The following PCDH10 variants were observed in gnomAD, a reference collection of about 807,000 sequenced individuals.
PCDH10 encodes the protein protocadherin 10.
Under a neutral mutation model 74.4 loss-of-function variants are expected in PCDH10, and 15 were observed. The ratio of observed to expected loss-of-function variants is 0.20; its 90% CI spans 0.13 to 0.31. PCDH10 has a LOEUF of 0.31. Among genes scored for constraint, PCDH10 ranks in the 10% least tolerant of loss-of-function variants. The pLI, the probability that PCDH10 is intolerant of heterozygous loss-of-function variation, is 1.00. For synonymous variants in PCDH10, 619 were observed against 589.8 expected (o/e 1.05, Z -0.72); for missense variants, 1,260 against 1,390.2 (o/e 0.91, Z 1.49).
At chr4:133,196,142 G>T (rs1002205351), downstream of PCDH10, among the ~76,000 whole-genome samples, 11 of 152,172 alleles carry the variant, frequency 7.2e-5, no homozygotes, top group African/African-American at 2.4e-4. Context: ...CTTGCCCACT[G>T]CTTAGACACA....
At position 133,193,240 on chromosome 4, in the gene PCDH10, T is replaced by C. The variant is rs1479563950; in HGVS notation, c.*3080T>C. The C allele has an allele frequency of 6.6e-6, 1 of 151,720 alleles. No individual in the cohort carries two copies. Among genetic ancestry groups the C allele is most frequent in the Non-Finnish European group, 1.5e-5 (1 of 67,680 alleles). The allele number at this position is 151,720 out of a possible 1,614,324, so 9.4% of individuals were successfully genotyped here. On this transcript the variant is annotated 3_prime_UTR_variant, in exon 5 of 5. Coordinates refer to ENST00000264360, the MANE Select transcript of PCDH10 (RefSeq NM_032961.3). ...ATCAAATTTAAATATCACATCAGAA[T>C]TACTTCACAGATATAATAGCGTCAA...
At chr4:133,162,897 G>A in intron 3 of PCDH10, 80 bp from the exon 4 acceptor site, 2 of 1,205,046 alleles carry the variant, frequency 1.7e-6, no homozygotes, top group South Asian at 1.5e-5. Flanking sequence ...CACCCTTTAT[G>A]CTACCTGTAA....
chr4:133,163,179 T>C lies in PCDH10; in HGVS notation c.3000T>C (p.Phe1000=), dbSNP rs1727007052. 6.2e-7 allele frequency: 1 copy of C among 1,614,108 alleles called. No homozygotes were observed. Among genetic ancestry groups the C allele is most frequent in the South Asian group, 1.1e-5 (1 of 91,080 alleles). Residue 1000 remains phenylalanine (F), a synonymous_variant, in exon 4 of 5, where the codon TTT becomes TTC. Transcript: ENST00000264360. ...PEAQPGAERS[F]STFGKEKALH... ...CCCAGCCTGGGGCAGAGCGGTCCTT[T>C]TCCACCTTTGGCAAAGAGAAGGCCC...
In PCDH10 at chr4:133,193,821, C is replaced by CT. The variant is rs1727734232; in HGVS notation, c.*3666dup. ...TATTACAAATTCTTGAGTTCTTTATCTTTTTCAAGTCTAATTTTGTAGTGG... is the reference window on the plus strand; with the variant it reads ...TATTACAAATTCTTGAGTTCTTTATCTTTTTTCAAGTCTAATTTTGTAGTGG... On this transcript the variant is annotated 3_prime_UTR_variant, in exon 5 of 5. Transcript: ENST00000264360. 3 of 151,444 alleles carry CT rather than the reference C, an allele frequency of 2.0e-5. No individual in the cohort carries two copies. Among genetic ancestry groups the CT allele is most frequent in the Non-Finnish European group, 3.0e-5 (2 of 67,624 alleles). The allele number at this position is 151,444 out of a possible 1,614,324, so 9.4% of individuals were successfully genotyped here. A position where few individuals can be genotyped will look rare whatever the true frequency, so the allele number is the denominator to read the frequency against.
chr4:133,207,441 G>T (rs1332394519), intron 2 of PCDH10, among the ~76,000 whole-genome samples: 1 of 152,142 alleles, frequency 6.6e-6, no homozygotes, highest in African/African-American at 2.4e-5. Context: ...GAGTGTTAAT[G>T]AGCTGATAAT....
At chr4:133,169,819 AT>A (rs926249748) in intron 4 of PCDH10, among the ~76,000 whole-genome samples, 1 of 151,988 alleles carries the variant, frequency 6.6e-6, no homozygotes, top group Admixed American at 6.5e-5. Context: ...TGTGCCAGAC[AT>A]TTTTTGGGTG....
chr4:133,189,820 CTG>C (rs1727620987), intron 4 of PCDH10, among the ~76,000 whole-genome samples: 1 of 151,998 alleles, frequency 6.6e-6, no homozygotes, highest in Non-Finnish European at 1.5e-5. Flanking sequence ...TTTCTATACT[CTG>C]TGCATAAATA....
At chr4:133,166,658 G>A (rs1437083838) in intron 4 of PCDH10, among the ~76,000 whole-genome samples, 2 of 151,350 alleles carry the variant, frequency 1.3e-5, no homozygotes, top group Admixed American at 1.3e-4. Flanking sequence ...TATGATTTTG[G>A]CTTTATACTT....
chr4:133,174,450 T>G (rs1727253905), intron 4 of PCDH10, among the ~76,000 whole-genome samples: 1 of 151,738 alleles, frequency 6.6e-6, no homozygotes, highest in South Asian at 2.1e-4. Context: ...AATTTAATAA[T>G]AACAGAAGTA....
In PCDH10 at chr4:133,150,443, C is replaced by A. The variant is rs1386005444; in HGVS notation, c.303C>A (p.Asn101Lys). 1.9e-6 allele frequency: 3 copies of A among 1,613,998 alleles called. No homozygotes were observed. Among genetic ancestry groups the A allele is most frequent in the South Asian group, 2.2e-5 (2 of 91,076 alleles). ...TGCACCTGGAGGTCTTTCTGGAGAA[C>A]CCCCTGGAGCTGTTCCAGGTGGAGA... ...CVLHLEVFLE[N>K]PLELFQVEIE... The change falls in exon 1 of 5, where the codon AAC (asparagine) becomes AAA (lysine). Residue 101 changes from asparagine to lysine, a missense_variant. Around this residue, in one of 11 missense-constraint regions of PCDH10, gnomAD observed 63 missense variants for 100.7 expected, o/e 0.63. Transcript: ENST00000264360.
rs1447043187 is a variant in PCDH10 at position 133,190,381 on chromosome 4, A to G, written c.*221A>G. 3 of 588,796 alleles carry G rather than the reference A, an allele frequency of 5.1e-6. No individual in the cohort carries two copies. Among genetic ancestry groups the G allele is most frequent in the Admixed American group, 3.1e-5 (1 of 32,370 alleles). 36.5% of individuals were successfully genotyped at this position (588,796 alleles called of 1,614,324 possible). A position where few individuals can be genotyped will look rare whatever the true frequency, so the allele number is the denominator to read the frequency against. ...CAGAACTGTAGAAACTTTAGAGGCA[A>G]CAGATTTTGCCTCCCCGATCAGTGT... is the stretch of plus-strand genomic sequence containing the variant. On this transcript the variant is annotated 3_prime_UTR_variant, in exon 5 of 5. Transcript: ENST00000264360.
intron 4 of PCDH10, among the ~76,000 whole-genome samples, chr4:133,170,201 A>G (rs78999719): frequency 0.06 from 9,082 of 152,168 alleles, 717 homozygotes; most frequent in African/African-American, 0.19. Context: ...TTTATTTATG[A>G]TTCTATAACT....
chr4:133,207,829 A>G (rs1235401921), intron 2 of PCDH10, among the ~76,000 whole-genome samples: 1 of 152,186 alleles, frequency 6.6e-6, no homozygotes, highest in Non-Finnish European at 1.5e-5. Flanking sequence ...GCAATTTAAC[A>G]TGACTGTGTT....
intron 2 of PCDH10, among the ~76,000 whole-genome samples, chr4:133,203,112 T>C (rs1727936835): frequency 6.6e-6 from 1 of 152,132 alleles, no homozygotes; most frequent in South Asian, 2.1e-4. Flanking sequence ...AGTTCTGTAT[T>C]TCCAGAAAAG....
intron 3 of PCDH10, among the ~76,000 whole-genome samples, chr4:133,161,102 T>A (rs1726960323): frequency 6.6e-6 from 1 of 152,090 alleles, no homozygotes; most frequent in Admixed American, 6.5e-5. Context: ...TAGTGAAACA[T>A]TTACATGTTT....
chr4:133,156,501 A>G (rs1230059942), intron 3 of PCDH10, among the ~76,000 whole-genome samples: 1 of 152,248 alleles, frequency 6.6e-6, no homozygotes, highest in Admixed American at 6.5e-5. Flanking sequence ...ATGTGCGTAC[A>G]AAGTCCCTTT....
In PCDH10 at chr4:133,190,480, C is replaced by G; in HGVS notation, c.*320C>G. 3.3e-6 allele frequency: 1 copy of G among 302,126 alleles called. No individual in the cohort carries two copies. Among genetic ancestry groups the G allele is most frequent in the Non-Finnish European group, 6.1e-6 (1 of 164,050 alleles). The allele number at this position is 302,126 out of a possible 1,614,324, so 18.7% of individuals were successfully genotyped here. On this transcript the variant is annotated 3_prime_UTR_variant, in exon 5 of 5. Coordinates refer to ENST00000264360, the MANE Select transcript of PCDH10 (RefSeq NM_032961.3). ...GCCCTTTAGATGTTTATATTCACCACGAGAAGCCAGTCATAAAGATAAAGG... is the reference window on the plus strand; with the variant it reads ...GCCCTTTAGATGTTTATATTCACCAGGAGAAGCCAGTCATAAAGATAAAGG...
At chr4:133,198,200 AT>A (rs1727831503), downstream of PCDH10, among the ~76,000 whole-genome samples, 1 of 152,104 alleles carries the variant, frequency 6.6e-6, no homozygotes, top group South Asian at 2.1e-4. Context: ...TCAATGATTT[AT>A]TTTAACATTG....
chr4:133,150,147 G>A lies in PCDH10; in HGVS notation c.7G>A (p.Val3Met). MI[V>M]LLLFALLWMV... ...ACTTCCTTTCCTTTTGGAGATGATT[G>A]TGCTATTATTGTTTGCCTTGCTCTG... Residue 3 changes from valine to methionine, a missense_variant, in exon 1 of 5, where the codon GTG becomes ATG. Val to Met is a conservative substitution (Grantham distance 21, BLOSUM62 1). This residue lies in a region of PCDH10 where 103 missense variants were observed against 91.5 expected (regional missense o/e 1.13). Coordinates refer to ENST00000264360, the MANE Select transcript of PCDH10 (RefSeq NM_032961.3). 6.5e-7 allele frequency: 1 copy of A among 1,537,818 alleles called. No homozygotes were observed. Among genetic ancestry groups the A allele is most frequent in the Non-Finnish European group, 8.8e-7 (1 of 1,141,290 alleles).
Sources: allele counts gnomAD v4.1 joint callset (sites outside exome capture counted in the v4.1 genomes callset), GRCh38; gene constraint gnomAD v4.1.1; regional missense constraint gnomAD v4.1.1; transcripts MANE v1.5; gene names NCBI Gene and HGNC (gene_info 2026-07-23, HGNC 2026-07-21).